PCSK6: variants seen among roughly 807,000 people sequenced by gnomAD.
PCSK6 encodes the protein paired basic amino acid cleaving enzyme 4.
A neutral mutation model predicts 123.3 loss-of-function variants in PCSK6; 85 were observed. That is an observed-to-expected ratio of 0.69 (90% CI 0.58 to 0.83). PCSK6 has a LOEUF of 0.83. Among genes scored for constraint, PCSK6 ranks in the 40% least tolerant of loss-of-function variants. The pLI, the probability that PCSK6 is intolerant of heterozygous loss-of-function variation, is 0.00. For missense variants in PCSK6, 1,191 were observed against 1,282.3 expected, an observed-to-expected ratio of 0.93 and a Z score of 1.09; for synonymous variants, 508 against 516.0, an observed-to-expected ratio of 0.98 and a Z score of 0.21.
At chr15:101,316,637 C>T (rs1055992433) in intron 19 of PCSK6, among the ~76,000 whole-genome samples, 1 of 152,242 alleles carries the variant, frequency 6.6e-6, no homozygotes, top group African/African-American at 2.4e-5. Flanking sequence ...TGGAACCCAT[C>T]CAGATGCTGA....
At chr15:101,486,808 G>A (rs1023854160) in intron 1 of PCSK6, among the ~76,000 whole-genome samples, 1 of 152,248 alleles carries the variant, frequency 6.6e-6, no homozygotes, top group Non-Finnish European at 1.5e-5. Flanking sequence ...CCAGGGCTGC[G>A]ATTCAGGCAA....
intron 10 of PCSK6, among the ~76,000 whole-genome samples, chr15:101,383,586 T>C (rs546157777): frequency 6.6e-6 from 1 of 152,254 alleles, no homozygotes; most frequent in East Asian, 1.9e-4. Flanking sequence ...CACTGTCCTA[T>C]GATTTACTTT....
chr15:101,331,856 G>A lies in PCSK6; in HGVS notation c.2034C>T (p.Tyr678=). Residue 678 remains tyrosine, a synonymous_variant, in exon 14 of 22, where the codon TAC becomes TAT. Coordinates refer to ENST00000611716, the MANE Select transcript of PCSK6 (RefSeq NM_002570.5). ...QVEVPEDEED[Y]TAQSTPGSAN... ...CTCTTACTTCAGGCTCATTACCTGT[G>A]TAATCTTCCTCATCTTCAGGAACTT... The A allele has an allele frequency of 6.2e-7, 1 of 1,612,718 alleles. No homozygotes were observed. The highest frequency in any genetic ancestry group is 8.5e-7 in the Non-Finnish European group (1 of 1,179,052).
chr15:101,327,353 G>A (rs962654746), intron 15 of PCSK6, among the ~76,000 whole-genome samples: 3 of 152,280 alleles, frequency 2.0e-5, no homozygotes, highest in Admixed American at 6.5e-5. Context: ...AGGTCTACCC[G>A]TCAGGCGGGG....
Position 101,370,558 on chromosome 15 carries a change from G to A in PCSK6, c.1533-35C>T, listed in dbSNP as rs28582650. 8,728 of 1,402,562 alleles carry A rather than the reference G, an allele frequency of 6.2e-3. 457 individuals are homozygous for A. In the African/African-American group the frequency reaches 0.11, roughly 18 times the overall value. 86.9% of individuals were successfully genotyped at this position (1,402,562 alleles called of 1,614,324 possible). A position where few individuals can be genotyped will look rare whatever the true frequency, so the allele number is the denominator to read the frequency against. On this transcript the variant is annotated intron_variant, in intron 11 of 21. Transcript: ENST00000611716. The stretch of plus-strand genomic sequence containing the variant: ...AAGGGAGGGCTCAGCACTTGGCACC[G>A]GAAGCATGAAGTCTCACCCACACAG...
chr15:101,374,116 T>TGCCACGC (rs1239635947), intron 11 of PCSK6, among the ~76,000 whole-genome samples: 2 of 152,134 alleles, frequency 1.3e-5, no homozygotes, highest in African/African-American at 4.8e-5. Context: ...AAATGCCACG[T>TGCCACGC]GCCACGCAGC....
intron 17 of PCSK6, among the ~76,000 whole-genome samples, chr15:101,324,597 C>T (rs1346845209): frequency 6.6e-6 from 1 of 152,200 alleles, no homozygotes; most frequent in Non-Finnish European, 1.5e-5. Flanking sequence ...GGTGAAATTC[C>T]CTGGACAGCC....
chr15:101,425,560 G>A (rs536922593), intron 6 of PCSK6, among the ~76,000 whole-genome samples: 1 of 152,184 alleles, frequency 6.6e-6, no homozygotes, highest in Non-Finnish European at 1.5e-5. Flanking sequence ...ACTATTTTCT[G>A]TATAATGTAT....
intron 6 of PCSK6, among the ~76,000 whole-genome samples, chr15:101,422,379 A>G (rs1003353416): frequency 6.6e-6 from 1 of 152,218 alleles, no homozygotes; most frequent in Non-Finnish European, 1.5e-5. Context: ...CAGGTATTTC[A>G]GCTGCTGCCC....
chr15:101,451,617 A>C (rs767402494), intron 1 of PCSK6, among the ~76,000 whole-genome samples: 42 of 152,290 alleles, frequency 2.8e-4, no homozygotes, highest in Admixed American at 4.6e-4. Flanking sequence ...CAGATGTTCC[A>C]AACCCCGTCC....
chr15:101,404,534 GA>G (rs2141597252), intron 6 of PCSK6, among the ~76,000 whole-genome samples: 1 of 152,362 alleles, frequency 6.6e-6, no homozygotes, highest in Non-Finnish European at 1.5e-5. Flanking sequence ...AGGCTGGCAA[GA>G]TCGTGGCCGC....
At chr15:101,452,236 A>C (rs976654732) in intron 1 of PCSK6, among the ~76,000 whole-genome samples, 42 of 152,234 alleles carry the variant, frequency 2.8e-4, no homozygotes, top group Admixed American at 2.4e-3. Context: ...TAAGTCGCCA[A>C]ACCAAATGGT....
intron 13 of PCSK6, among the ~76,000 whole-genome samples, chr15:101,348,955 G>T (rs144323804): frequency 3.3e-5 from 5 of 152,208 alleles, no homozygotes; most frequent in Admixed American, 2.0e-4. Flanking sequence ...GGTCAGATTT[G>T]GTTTTCGTAA....
intron 20 of PCSK6, among the ~76,000 whole-genome samples, chr15:101,309,971 G>A (rs149421982): frequency 2.6e-4 from 40 of 152,332 alleles, no homozygotes; most frequent in Admixed American, 7.8e-4. Context: ...GCAGGCCTGC[G>A]TCCTGACCTG....
chr15:101,402,824 G>A (rs1367755099), intron 6 of PCSK6, among the ~76,000 whole-genome samples: 1 of 152,136 alleles, frequency 6.6e-6, no homozygotes, highest in Non-Finnish European at 1.5e-5. Flanking sequence ...CTGTTGGTGG[G>A]ACTGTAAACT....
At chr15:101,449,431 T>G (rs867079542) in intron 1 of PCSK6, among the ~76,000 whole-genome samples, 2 of 152,186 alleles carry the variant, frequency 1.3e-5, no homozygotes, top group Admixed American at 1.3e-4. Flanking sequence ...TATCTGTGCA[T>G]ATACACGTGT....
Position 101,489,531 on chromosome 15 carries a change from CGCGGCGCGA to C in PCSK6, c.131_139del (p.Leu44_Pro46del). On this transcript the variant is annotated inframe_deletion, in exon 1 of 22. Transcript: ENST00000611716. ...CAGCAGCAGCAGCCAGCGCCAGGGA[CGCGGCGCGA>C]GCGGCCGGAACCCGGGCCCGCCGGC... The C allele has an allele frequency of 9.9e-7, 1 of 1,014,640 alleles. No individual in the cohort carries two copies. Among genetic ancestry groups the C allele is most frequent in the East Asian group, 8.9e-5 (1 of 11,176 alleles). 62.9% of individuals were successfully genotyped at this position (1,014,640 alleles called of 1,614,324 possible).
At position 101,398,651 on chromosome 15, in the gene PCSK6, G is replaced by A; in HGVS notation, c.824-75C>T. 3 of 1,504,600 alleles carry A rather than the reference G, an allele frequency of 2.0e-6. No homozygotes were observed. The highest frequency in any genetic ancestry group is 9.0e-7 in the Non-Finnish European group (1 of 1,110,106). 93.2% of individuals were successfully genotyped at this position (1,504,600 alleles called of 1,614,324 possible). A position where few individuals can be genotyped will look rare whatever the true frequency, so the allele number is the denominator to read the frequency against. On this transcript the variant is annotated intron_variant, in intron 6 of 21. Transcript: ENST00000611716. The surrounding 1 kb of genome is among the most constrained non-coding windows in gnomAD (Gnocchi z 4.6). ...AGCGACGGGAACCCGGGCCCAGGAG[G>A]CTCGGATGAGGACACCGCATCACAG...
chr15:101,389,927 G>A (rs1414548324), intron 8 of PCSK6, among the ~76,000 whole-genome samples: 2 of 152,144 alleles, frequency 1.3e-5, no homozygotes, highest in Admixed American at 6.5e-5. Context: ...TGGGTCTGCC[G>A]GACTTTGTGG....
Sources: gnomAD v4.1 joint callset for allele counts (sites outside exome capture counted in the v4.1 genomes callset) on GRCh38, gnomAD v4.1.1 for gene constraint, Gnocchi (gnomAD v3.1) non-coding constraint, MANE v1.5 for transcripts, NCBI Gene and HGNC (gene_info 2026-07-23, HGNC 2026-07-21) for gene names.